SLC24A1: variants seen among roughly 807,000 people sequenced by gnomAD.
The protein encoded by SLC24A1 is sodium/potassium/calcium exchanger 1.
In SLC24A1, 52 loss-of-function variants were observed where a neutral mutation model predicts 88.1. The observed-to-expected ratio is 0.59, with a 90% CI of 0.47 to 0.74. The LOEUF (loss-of-function observed/expected upper bound fraction) is 0.74. Among genes scored for constraint, SLC24A1 ranks in the 30% least tolerant of loss-of-function variants. The pLI is 0.00. For missense variants in SLC24A1, 1,173 were observed against 1,363.3 expected (o/e 0.86, Z 2.20); for synonymous variants, 455 against 498.0 (o/e 0.91, Z 1.15).
In SLC24A1 at chr15:65,624,919, AC is replaced by A. The variant is rs1466576137; in HGVS notation, c.841del (p.Leu281CysfsTer18). 1 of 1,613,306 alleles carries A rather than the reference AC, an allele frequency of 6.2e-7. No homozygotes were observed. The highest frequency in any genetic ancestry group is 1.1e-5 in the South Asian group (1 of 91,048). On this transcript the variant is annotated frameshift_variant, in exon 2 of 10. Transcript: ENST00000261892. LOFTEE classifies it high-confidence loss of function. The part of the protein sequence containing the change: ...TSPRSVMEKN[N>X]LFPPRRVESN... ...CCAAGGAGCGTCATGGAAAAAAACA[AC>A]CTGTTTCCCCCCAGAAGAGTGGAAA...
At chr15:65,622,409 A>C (rs2074350042) in intron 1 of SLC24A1, among the ~76,000 whole-genome samples, 1 of 152,184 alleles carries the variant, frequency 6.6e-6, no homozygotes, top group Non-Finnish European at 1.5e-5. Context: ...AAGGGGAGTT[A>C]GGAGGCTCAT....
chr15:65,645,724 C>A, intron 6 of SLC24A1, 21 bp downstream of exon 6: 3 of 1,535,458 alleles, frequency 2.0e-6, no homozygotes, highest in Non-Finnish European at 2.7e-6. Context: ...AGCCTTGGCA[C>A]AGACAAAATT....
At chr15:65,657,206 A>C (rs1011864828), downstream of SLC24A1, among the ~76,000 whole-genome samples, 2 of 152,142 alleles carry the variant, frequency 1.3e-5, no homozygotes, top group Non-Finnish European at 2.9e-5. Context: ...ATTATATTGC[A>C]CTGTCATCAA....
chr15:65,629,253 G>A (rs2074624808), intron 2 of SLC24A1, among the ~76,000 whole-genome samples: 1 of 152,138 alleles, frequency 6.6e-6, no homozygotes, highest in African/African-American at 2.4e-5. Context: ...CGTTTATTCT[G>A]CCCTGAGTAT....
chr15:65,626,010 G>GA, intron 2 of SLC24A1, 40 bp downstream of exon 2: 1 of 1,460,022 alleles, frequency 6.8e-7, no homozygotes, highest in Non-Finnish European at 9.6e-7. Flanking sequence ...GCCCCTTTGA[G>GA]ATGAAAGGAT....
intron 4 of SLC24A1, among the ~76,000 whole-genome samples, chr15:65,640,384 A>G (rs1164870590): frequency 6.6e-6 from 1 of 152,042 alleles, no homozygotes; most frequent in African/African-American, 2.4e-5. Context: ...CTCACTGTCC[A>G]CCTTACCACA....
chr15:65,646,958 C>G (rs1241834337), intron 6 of SLC24A1, among the ~76,000 whole-genome samples: 5 of 152,168 alleles, frequency 3.3e-5, no homozygotes, highest in Admixed American at 3.3e-4. Context: ...GAAGCTTGAT[C>G]TCATGAAGAG....
intron 2 of SLC24A1, among the ~76,000 whole-genome samples, chr15:65,614,129 G>T (rs28661781): frequency 0.2 from 30,207 of 152,002 alleles, 4,048 homozygotes; most frequent in East Asian, 0.74. Context: ...CAAAGATAGG[G>T]AGATTAGGAT....
intron 4 of SLC24A1, among the ~76,000 whole-genome samples, chr15:65,639,981 G>A (rs62014368): frequency 7.9e-5 from 12 of 152,292 alleles, no homozygotes; most frequent in African/African-American, 2.4e-4. Flanking sequence ...GTAAAATGAA[G>A]GCATTAACCT....
At chr15:65,648,394 G>A (rs1478322586) in intron 6 of SLC24A1, among the ~76,000 whole-genome samples, 1 of 152,184 alleles carries the variant, frequency 6.6e-6, no homozygotes, top group African/African-American at 2.4e-5. Flanking sequence ...ACAGCCCAGG[G>A]CTCTTGCTCA....
intron 4 of SLC24A1, among the ~76,000 whole-genome samples, chr15:65,641,223 A>T (rs1479363024): frequency 6.6e-6 from 1 of 150,976 alleles, no homozygotes; most frequent in Non-Finnish European, 1.5e-5. Flanking sequence ...AAACACAAAA[A>T]TTGGCACACA....
chr15:65,616,099 G>A (rs1435796907), intron 2 of SLC24A1, among the ~76,000 whole-genome samples: 2 of 151,902 alleles, frequency 1.3e-5, no homozygotes, highest in African/African-American at 2.4e-5. Flanking sequence ...TGGTGTATAT[G>A]TGCCACATTT....
chr15:65,651,848 G>C (rs190746563), intron 8 of SLC24A1, 89 bp downstream of exon 8: 2 of 750,324 alleles, frequency 2.7e-6, no homozygotes, highest in Non-Finnish European at 2.4e-6. Flanking sequence ...AGGGAATCTC[G>C]AGGATCAAGT....
intron 3 of SLC24A1, among the ~76,000 whole-genome samples, chr15:65,638,488 C>T (rs1457813868): frequency 6.6e-6 from 1 of 152,174 alleles, no homozygotes; most frequent in African/African-American, 2.4e-5. Flanking sequence ...ACTGTTTGAA[C>T]TAGATGAATT....
At chr15:65,619,112 A>C (rs2074238954), upstream of SLC24A1, 1 of 152,280 alleles carries the variant, frequency 6.6e-6, no homozygotes, top group South Asian at 2.1e-4. Context: ...CAAATAAAAC[A>C]ATATAAACAA....
chr15:65,625,341 A>G lies in SLC24A1; in HGVS notation c.1261A>G (p.Ser421Gly). 6.2e-7 allele frequency: 1 copy of G among 1,614,028 alleles called. No individual in the cohort carries two copies. Among genetic ancestry groups the G allele is most frequent in the Non-Finnish European group, 8.5e-7 (1 of 1,179,874 alleles). The change falls in exon 2 of 10, where the codon AGT (serine) becomes GGT (glycine). Residue 421 changes from serine to glycine, a missense_variant. Ser to Gly is a moderately conservative substitution (Grantham distance 56). Coordinates refer to ENST00000261892, the MANE Select transcript of SLC24A1 (RefSeq NM_004727.3). ...AACAGCCCTGCTCCCAGAGGAGCTC[A>G]GTCCTAGTCCCTCAGTGCTGCCTCC... ...LTTALLPEEL[S>G]PSPSVLPPSL...
Position 65,625,740 on chromosome 15 carries a change from A to T in SLC24A1, c.1660A>T (p.Thr554Ser). 6.2e-7 allele frequency: 1 copy of T among 1,613,904 alleles called. No homozygotes were observed. The highest frequency in any genetic ancestry group is 8.5e-7 in the Non-Finnish European group (1 of 1,179,876). Residue 554 changes from threonine to serine, a missense_variant, in exon 2 of 10, where the codon ACC becomes TCC. Transcript: ENST00000261892. Reference sequence around the variant, plus strand: ...CTTCTCCCGAGAGATCCTCAACCTCACCTGGTGGCCCTTATTCCGTGATGT... The same window carrying T: ...CTTCTCCCGAGAGATCCTCAACCTCTCCTGGTGGCCCTTATTCCGTGATGT... Reference protein sequence around the residue: ...SLFSREILNLTWWPLFRDVSF... With the variant: ...SLFSREILNLSWWPLFRDVSF...
downstream of SLC24A1, chr15:65,659,459 C>A (rs2414883): frequency 0.2 from 30,253 of 150,232 alleles, 4,053 homozygotes; most frequent in East Asian, 0.73. Flanking sequence ...TTCAGCCTCC[C>A]GAGTAGCTGG....
chr15:65,649,781 C>T (rs55753331), intron 6 of SLC24A1, among the ~76,000 whole-genome samples: 32,731 of 152,124 alleles, frequency 0.22, 4,042 homozygotes, highest in African/African-American at 0.33. Context: ...TTTTAGTAGA[C>T]TCAGCAATGC....
Sources: allele counts gnomAD v4.1 joint callset (sites outside exome capture counted in the v4.1 genomes callset), GRCh38; gene constraint gnomAD v4.1.1; transcripts MANE v1.5; gene names NCBI Gene and HGNC (gene_info 2026-07-23, HGNC 2026-07-21).